Variants in KLHDC1 observed in about 807,000 individuals in gnomAD.
KLHDC1 encodes kelch domain-containing protein 1.
Under a neutral mutation model 68.3 loss-of-function variants are expected in KLHDC1, and 53 were observed. The ratio of observed to expected loss-of-function variants is 0.78; its 90% CI spans 0.62 to 0.98. The LOEUF is 0.98. Ranked by LOEUF, KLHDC1 falls within the 50% of genes least tolerant of loss-of-function variation. The pLI is 0.00. For missense variants in KLHDC1, 470 were observed against 492.3 expected (o/e 0.95, Z 0.43); for synonymous variants, 148 against 159.0 (o/e 0.93, Z 0.52).
At chr14:49,712,481 A>T (rs2139740833) in intron 4 of KLHDC1, among the ~76,000 whole-genome samples, 1 of 152,166 alleles carries the variant, frequency 6.6e-6, no homozygotes, top group African/African-American at 2.4e-5. Flanking sequence ...GGGAGCAAAT[A>T]AAAAGTACTT....
intron 12 of KLHDC1, among the ~76,000 whole-genome samples, chr14:49,746,873 C>T (rs1357454823): frequency 2.6e-5 from 4 of 152,122 alleles, no homozygotes; most frequent in South Asian, 4.2e-4. Flanking sequence ...TTAATTCTTA[C>T]ACTCCCTTAC....
chr14:49,698,892 G>C (rs922043581), intron 1 of KLHDC1, among the ~76,000 whole-genome samples: 3 of 151,794 alleles, frequency 2.0e-5, no homozygotes, highest in Non-Finnish European at 4.4e-5. Flanking sequence ...CTTGACGAGC[G>C]TGGTGGCTCA....
intron 4 of KLHDC1, among the ~76,000 whole-genome samples, chr14:49,713,827 TA>T (rs1566602835): frequency 0.046 from 289 of 6,252 alleles, 27 homozygotes; most frequent in Non-Finnish European, 0.087. Context: ...TATATATATA[TA>T]TATATATATA....
intron 1 of KLHDC1, among the ~76,000 whole-genome samples, chr14:49,695,116 ATGTGTGTGTGTGTG>A (rs71115393): frequency 8.4e-5 from 12 of 142,094 alleles, no homozygotes; most frequent in African/African-American, 1.6e-4. Flanking sequence ...TGCAGTTTTG[ATGTGTGTGTGTGTG>A]TGTGTGTGTG....
At chr14:49,724,932 A>C (rs1441173427) in intron 5 of KLHDC1, among the ~76,000 whole-genome samples, 1 of 151,934 alleles carries the variant, frequency 6.6e-6, no homozygotes, top group Non-Finnish European at 1.5e-5. Context: ...ACTTGTACCA[A>C]GGAGTTTGAG....
chr14:49,731,270 C>A (rs139604306), intron 8 of KLHDC1, among the ~76,000 whole-genome samples: 1 of 151,974 alleles, frequency 6.6e-6, no homozygotes, highest in East Asian at 1.9e-4. Flanking sequence ...ACGAGCAAAA[C>A]GCCGCCTCAA....
At chr14:49,745,332 C>G (rs1889174931) in intron 12 of KLHDC1, among the ~76,000 whole-genome samples, 3 of 152,178 alleles carry the variant, frequency 2.0e-5, no homozygotes, top group Admixed American at 2.0e-4. Context: ...TGTTCTGCCC[C>G]TACAGATGAT....
chr14:49,710,549 A>G (rs1470552491), intron 4 of KLHDC1, among the ~76,000 whole-genome samples, 168 bp downstream of exon 4: 1 of 152,158 alleles, frequency 6.6e-6, no homozygotes, highest in Non-Finnish European at 1.5e-5. Context: ...TCTAATCTTT[A>G]AACTTTTTGT....
At chr14:49,721,998 T>C (rs899846946) in intron 4 of KLHDC1, among the ~76,000 whole-genome samples, 2 of 152,176 alleles carry the variant, frequency 1.3e-5, no homozygotes, top group Admixed American at 6.5e-5. Flanking sequence ...AAAGCTCAGA[T>C]TGCCTAAAGG....
intron 9 of KLHDC1, among the ~76,000 whole-genome samples, chr14:49,733,071 T>G (rs1234059121): frequency 6.6e-6 from 1 of 152,184 alleles, no homozygotes; most frequent in African/African-American, 2.4e-5. Flanking sequence ...TACTACTATA[T>G]TCTGTGATTC....
intron 10 of KLHDC1, among the ~76,000 whole-genome samples, chr14:49,737,484 A>G (rs1888955522): frequency 6.6e-6 from 1 of 152,220 alleles, no homozygotes; most frequent in South Asian, 2.1e-4. Context: ...GGAAGTAGAA[A>G]AAATAAAATA....
At chr14:49,693,402 C>G (rs1011235767) in intron 1 of KLHDC1, 112 bp downstream of exon 1, 26 of 686,154 alleles carry the variant, frequency 3.8e-5, no homozygotes, top group Non-Finnish European at 5.0e-5. Context: ...CTGGCGCGCC[C>G]GGCGCCTGCA....
At chr14:49,725,386 C>A (rs1360633090) in intron 5 of KLHDC1, among the ~76,000 whole-genome samples, 2 of 152,308 alleles carry the variant, frequency 1.3e-5, no homozygotes, top group Non-Finnish European at 2.9e-5. Context: ...AAACATCATT[C>A]CACCCTCTGC....
intron 11 of KLHDC1, among the ~76,000 whole-genome samples, chr14:49,741,029 G>C (rs1889052318): frequency 6.6e-6 from 1 of 152,108 alleles, no homozygotes; most frequent in South Asian, 2.1e-4. Context: ...AGGAGGTGGA[G>C]GTTGCAGCAA....
At chr14:49,721,974 A>G (rs1888537017) in intron 4 of KLHDC1, among the ~76,000 whole-genome samples, 1 of 152,252 alleles carries the variant, frequency 6.6e-6, no homozygotes, top group East Asian at 1.9e-4. Context: ...TTGCATCACA[A>G]ACTTTAGTAG....
At position 49,722,711 on chromosome 14, in the gene KLHDC1, A is replaced by T. The variant is rs1594667408; in HGVS notation, c.405-1163A>T. On this transcript the variant is annotated intron_variant, in intron 4 of 12. Transcript: ENST00000359332. Reference sequence around the variant, plus strand: ...TTCCATGTGGCTGGGGAGGCCTCACAATTATGGCAGAAAGTGAAAAGCAAG... The same window carrying T: ...TTCCATGTGGCTGGGGAGGCCTCACTATTATGGCAGAAAGTGAAAAGCAAG... Among the ~76,000 whole-genome samples the T allele has an allele frequency of 2.6e-5, 4 of 152,356 alleles. No homozygotes were observed. In the South Asian group the frequency reaches 6.2e-4, roughly 24 times the overall value.
At chr14:49,693,752 T>C (rs1333706779) in intron 1 of KLHDC1, among the ~76,000 whole-genome samples, 2 of 72,226 alleles carry the variant, frequency 2.8e-5, no homozygotes, top group Non-Finnish European at 6.4e-5. Flanking sequence ...CTTTTTCTTT[T>C]TTTTTTTTTT....
intron 11 of KLHDC1, among the ~76,000 whole-genome samples, chr14:49,741,422 C>G (rs1889063613): frequency 6.6e-6 from 1 of 151,926 alleles, no homozygotes; most frequent in African/African-American, 2.4e-5. Flanking sequence ...TCTCCGGCCT[C>G]AGCCTCCCAA....
chr14:49,739,337 A>G (rs1889005621), intron 10 of KLHDC1, among the ~76,000 whole-genome samples: 1 of 152,258 alleles, frequency 6.6e-6, no homozygotes. Context: ...CTGGTTGATC[A>G]CAAATATTAG....
Sources: allele counts gnomAD v4.1 joint callset (sites outside exome capture counted in the v4.1 genomes callset), GRCh38; gene constraint gnomAD v4.1.1; transcripts MANE v1.5; gene names NCBI Gene and HGNC (gene_info 2026-07-23, HGNC 2026-07-21).